GALNT13: variants seen among roughly 807,000 people sequenced by gnomAD.
GALNT13 encodes the protein UDP-GalNAc:polypeptide N-acetylgalactosaminyltransferase 13.
A neutral mutation model predicts 64.2 loss-of-function variants in GALNT13; 28 were observed. The ratio of observed to expected loss-of-function variants is 0.44; its 90% CI spans 0.32 to 0.60. GALNT13 has a LOEUF of 0.60. Among genes scored for constraint, GALNT13 ranks in the 20% least tolerant of loss-of-function variants. GALNT13 has a pLI of 0.05. For missense variants in GALNT13, 577 were observed against 669.8 expected, an observed-to-expected ratio of 0.86 and a Z score of 1.53; for synonymous variants, 214 against 224.6, an observed-to-expected ratio of 0.95 and a Z score of 0.42.
At position 154,149,339 on chromosome 2, in the gene GALNT13, T is replaced by C. The variant is rs147962508; in HGVS notation, c.311+8834T>C. Among the ~76,000 whole-genome samples the C allele has an allele frequency of 5.1e-3, 779 of 152,274 alleles. 6 individuals are homozygous for C. Among genetic ancestry groups the C allele is most frequent in the African/African-American group, 0.018 (758 of 41,554 alleles). On this transcript the variant is annotated intron_variant, in intron 4 of 12. Transcript: ENST00000392825. ...TGTTTTCGTTACAGTAGCCTTGTAG[T>C]ATAGTTTGAAGTCAGGTAGCGTGAT...
At chr2:153,437,702 T>C in the GALNT13 span, among the ~76,000 whole-genome samples, 3 of 152,200 alleles carry the variant, frequency 2.0e-5, no homozygotes, top group Non-Finnish European at 4.4e-5. Context: ...CATCCCTTTA[T>C]TTTGAGCCTA....
the GALNT13 span, among the ~76,000 whole-genome samples, chr2:153,692,003 A>G: frequency 1.5e-4 from 23 of 152,290 alleles, no homozygotes; most frequent in Non-Finnish European, 2.8e-4. Context: ...CATTGGCTAA[A>G]TGACATGTAA....
intron 3 of GALNT13, among the ~76,000 whole-genome samples, chr2:154,109,814 T>C (rs185028869): frequency 6.6e-5 from 10 of 152,306 alleles, no homozygotes; most frequent in African/African-American, 2.4e-4. Context: ...CATGGATAAA[T>C]CTCACATAAT....
chr2:153,506,530 C>T, the GALNT13 span, among the ~76,000 whole-genome samples: 1 of 151,962 alleles, frequency 6.6e-6, no homozygotes, highest in Admixed American at 6.6e-5. Flanking sequence ...GTAGTGCTGG[C>T]TTAGTAGTGA....
At chr2:154,448,132 AT>A (rs1701687957) in intron 12 of GALNT13, among the ~76,000 whole-genome samples, 1 of 152,064 alleles carries the variant, frequency 6.6e-6, no homozygotes, top group African/African-American at 2.4e-5. Context: ...TAACAACTCC[AT>A]AGGCCTAGCT....
chr2:153,423,633 T>C, the GALNT13 span: 10 of 151,814 alleles, frequency 6.6e-5, no homozygotes, highest in Non-Finnish European at 1.5e-4. Context: ...ATTAAATTCA[T>C]ATATACAAAC....
intron 11 of GALNT13, among the ~76,000 whole-genome samples, chr2:154,427,366 G>A (rs1400997466): frequency 6.6e-6 from 1 of 152,176 alleles, no homozygotes. Context: ...AGCTATCTGG[G>A]TAAAAATGGT....
the GALNT13 span, among the ~76,000 whole-genome samples, chr2:153,258,746 T>C: frequency 6.6e-6 from 1 of 152,210 alleles, no homozygotes; most frequent in Non-Finnish European, 1.5e-5. Flanking sequence ...TATTGTTTAA[T>C]TTCCTTGTGT....
At chr2:153,077,926 T>C in the GALNT13 span, among the ~76,000 whole-genome samples, 2 of 152,224 alleles carry the variant, frequency 1.3e-5, no homozygotes, top group African/African-American at 4.8e-5. Flanking sequence ...TTCACCTTTG[T>C]GATGCTGGAT....
the GALNT13 span, among the ~76,000 whole-genome samples, chr2:153,237,656 T>G: frequency 6.6e-6 from 1 of 152,134 alleles, no homozygotes; most frequent in South Asian, 2.1e-4. Context: ...AAATGATTGA[T>G]AGAATCTCAT....
At chr2:154,307,427 C>T (rs576276084) in intron 9 of GALNT13, among the ~76,000 whole-genome samples, 2 of 152,236 alleles carry the variant, frequency 1.3e-5, no homozygotes, top group African/African-American at 4.8e-5. Context: ...GTATAAATAG[C>T]TTCATGTGTG....
chr2:153,192,820 T>G, the GALNT13 span, among the ~76,000 whole-genome samples: 2 of 152,026 alleles, frequency 1.3e-5, no homozygotes, highest in African/African-American at 4.8e-5. Context: ...CTACTTCTGC[T>G]TGCTATTGGC....
chr2:153,375,981 C>G, the GALNT13 span, among the ~76,000 whole-genome samples: 1 of 151,994 alleles, frequency 6.6e-6, no homozygotes, highest in Non-Finnish European at 1.5e-5. Context: ...GGAGAGGTTC[C>G]AGGCTCTTTT....
At chr2:154,430,633 A>G (rs1700668364) in intron 11 of GALNT13, among the ~76,000 whole-genome samples, 1 of 152,222 alleles carries the variant, frequency 6.6e-6, no homozygotes, top group Non-Finnish European at 1.5e-5. Context: ...TCAGGTTTTG[A>G]GAGGATTAAT....
At chr2:153,908,458 C>G (rs890946505) in intron 2 of GALNT13, among the ~76,000 whole-genome samples, 2 of 152,056 alleles carry the variant, frequency 1.3e-5, no homozygotes, top group Non-Finnish European at 2.9e-5. Flanking sequence ...GTCGTGAAAC[C>G]TTTAACAGGT....
chr2:154,330,427 A>G (rs1484976596), intron 9 of GALNT13, among the ~76,000 whole-genome samples: 4 of 152,158 alleles, frequency 2.6e-5, no homozygotes, highest in East Asian at 3.9e-4. Flanking sequence ...AAGTGTTCTC[A>G]TGTTCCTTTA....
chr2:153,816,236 A>C, the GALNT13 span, among the ~76,000 whole-genome samples: 2 of 152,176 alleles, frequency 1.3e-5, no homozygotes, highest in African/African-American at 4.8e-5. Context: ...TCCGAATCTG[A>C]GGTCATGATG....
At chr2:153,840,321 A>T in the GALNT13 span, among the ~76,000 whole-genome samples, 61 of 152,224 alleles carry the variant, frequency 4.0e-4, no homozygotes, top group African/African-American at 1.3e-3. Context: ...TACATTTAAA[A>T]CTACATTTTA....
intron 4 of GALNT13, among the ~76,000 whole-genome samples, chr2:154,207,372 C>T (rs961132826): frequency 3.3e-5 from 5 of 152,048 alleles, no homozygotes; most frequent in Admixed American, 6.6e-5. Context: ...GTATCATTTC[C>T]GTACCCAATT....
Sources: allele counts gnomAD v4.1 joint callset (sites outside exome capture counted in the v4.1 genomes callset), GRCh38; gene constraint gnomAD v4.1.1; transcripts MANE v1.5; gene names NCBI Gene and HGNC (gene_info 2026-07-23, HGNC 2026-07-21).